The following FARP1 variants were observed in gnomAD, a reference collection of about 807,000 sequenced individuals.
FARP1 encodes FERM, ARH/RhoGEF and pleckstrin domain protein 1.
Under a neutral mutation model 128.8 loss-of-function variants are expected in FARP1, and 52 were observed. The observed-to-expected ratio is 0.40, with a 90% CI of 0.32 to 0.51. The LOEUF (loss-of-function observed/expected upper bound fraction) is 0.51. Among genes scored for constraint, FARP1 ranks in the 20% least tolerant of loss-of-function variants. The pLI, the probability that FARP1 is intolerant of heterozygous loss-of-function variation, is 0.45. For missense variants in FARP1, 1,333 were observed against 1,367.9 expected, an observed-to-expected ratio of 0.97 and a Z score of 0.40; for synonymous variants, 580 against 551.8, an observed-to-expected ratio of 1.05 and a Z score of -0.72.
rs1319354013 is a variant in FARP1, at chr13:98,213,150, C to G, written c.-23-70C>G. 2.3e-6 allele frequency: 3 copies of G among 1,326,416 alleles called. No individual in the cohort carries two copies. In the African/African-American group the frequency reaches 4.4e-5, roughly 20 times the overall value. 82.2% of individuals were successfully genotyped at this position (1,326,416 alleles called of 1,614,324 possible). Reference sequence around the variant, plus strand: ...GCCCCCTGCCCACCTGGGTGGGGTTCAAGGTGGCACACAGCTTGGGTGGTA... The same window carrying G: ...GCCCCCTGCCCACCTGGGTGGGGTTGAAGGTGGCACACAGCTTGGGTGGTA... On this transcript the variant is annotated intron_variant, in intron 1 of 26. Coordinates refer to ENST00000319562, the MANE Select transcript of FARP1 (RefSeq NM_005766.4).
intron 8 of FARP1, 138 bp from the exon 9 acceptor site, chr13:98,388,245 T>C (rs778800184): frequency 6.2e-6 from 4 of 645,992 alleles, no homozygotes; most frequent in Non-Finnish European, 1.1e-5. Flanking sequence ...ACAGATCCTG[T>C]GAGTTCTCTG....
At chr13:98,431,530 C>T (rs761794730) in intron 18 of FARP1, 6 of 313,438 alleles carry the variant, frequency 1.9e-5, no homozygotes, top group Non-Finnish European at 2.9e-5. Flanking sequence ...GGTGCGATCT[C>T]GGCTCACTGC....
At chr13:98,310,657 G>GT (rs1438418101) in intron 2 of FARP1, among the ~76,000 whole-genome samples, 1 of 152,164 alleles carries the variant, frequency 6.6e-6, no homozygotes, top group Non-Finnish European at 1.5e-5. Context: ...GGGCTGTCCA[G>GT]TTGAAGGTGT....
intron 17 of FARP1, among the ~76,000 whole-genome samples, chr13:98,427,094 G>T (rs1481878092): frequency 1.3e-5 from 2 of 151,972 alleles, no homozygotes; most frequent in Non-Finnish European, 2.9e-5. Flanking sequence ...TACATTCTCT[G>T]GGTGTTGACA....
intron 2 of FARP1, among the ~76,000 whole-genome samples, chr13:98,318,274 G>A (rs1483971596): frequency 1.3e-5 from 2 of 151,664 alleles, no homozygotes; most frequent in African/African-American, 4.8e-5. Context: ...GTTCAGGCTG[G>A]TCTCAAACTC....
At chr13:98,235,971 G>A (rs1199334137) in intron 2 of FARP1, among the ~76,000 whole-genome samples, 1 of 151,914 alleles carries the variant, frequency 6.6e-6, no homozygotes, top group African/African-American at 2.4e-5. Context: ...TTACAGGCAT[G>A]TCCCACTACA....
intron 2 of FARP1, among the ~76,000 whole-genome samples, chr13:98,306,756 T>G (rs1886185463): frequency 6.6e-6 from 1 of 152,152 alleles, no homozygotes; most frequent in Non-Finnish European, 1.5e-5. Context: ...ACTCCTGGCC[T>G]CAAGCAATCC....
chr13:98,315,703 G>A (rs1886691007), intron 2 of FARP1, among the ~76,000 whole-genome samples: 1 of 152,146 alleles, frequency 6.6e-6, no homozygotes, highest in Non-Finnish European at 1.5e-5. Context: ...GTGGTGTCCT[G>A]GAAAACAAAA....
Position 98,455,171 on chromosome 13 carries a change from A to G in FARP1, c.*6854A>G, listed in dbSNP as rs1016092693. 5 of 152,256 alleles carry G rather than the reference A, an allele frequency of 3.3e-5. No individual in the cohort carries two copies. The highest frequency in any genetic ancestry group is 1.2e-4 in the African/African-American group (5 of 41,472). The allele number at this position is 152,256 out of a possible 1,614,324, so 9.4% of individuals were successfully genotyped here. On this transcript the variant is annotated 3_prime_UTR_variant, in exon 27 of 27. Transcript: ENST00000319562. ...AATAATACTTTGGATCTGGCAGGTT[A>G]AAAAATGTATTGTTGAAACTAATTT... is the stretch of plus-strand genomic sequence containing the variant.
chr13:98,331,107 A>G (rs1423123927), intron 2 of FARP1, among the ~76,000 whole-genome samples: 2 of 152,214 alleles, frequency 1.3e-5, no homozygotes, highest in Non-Finnish European at 2.9e-5. Context: ...CTTATTTCCC[A>G]GAACTGTGGT....
intron 2 of FARP1, among the ~76,000 whole-genome samples, chr13:98,268,383 G>A (rs1398869609): frequency 1.3e-5 from 2 of 152,150 alleles, no homozygotes; most frequent in South Asian, 4.2e-4. Context: ...CCATGGGGTT[G>A]GGTCAGCAGG....
At chr13:98,245,536 C>T (rs1883005592) in intron 2 of FARP1, among the ~76,000 whole-genome samples, 1 of 152,154 alleles carries the variant, frequency 6.6e-6, no homozygotes, top group Admixed American at 6.5e-5. Flanking sequence ...TTTTAAAAAG[C>T]CTCCCCCAGT....
chr13:98,395,397 G>T lies in FARP1; in HGVS notation c.1335G>T (p.Ser445=). ...AGNKQADGAA[S]APTEEEEEVV... is the part of the protein sequence containing the mutation. ...ACAAGCAGGCGGACGGAGCCGCCTC[G>T]GCGCCCACGGAGGAAGAGGAGGAGG... is the stretch of plus-strand genomic sequence containing the variant. Residue 445 remains serine (S), a synonymous_variant, in exon 13 of 27, where the codon TCG becomes TCT. Transcript: ENST00000319562. 2 of 1,611,514 alleles carry T rather than the reference G, an allele frequency of 1.2e-6. No homozygotes were observed. Among genetic ancestry groups the T allele is most frequent in the South Asian group, 1.1e-5 (1 of 91,012 alleles).
At chr13:98,288,401 C>T (rs1007272046) in intron 2 of FARP1, among the ~76,000 whole-genome samples, 7 of 152,162 alleles carry the variant, frequency 4.6e-5, no homozygotes, top group South Asian at 2.1e-4. Flanking sequence ...CCCATGTCTG[C>T]GCTTCATTGG....
chr13:98,439,662 G>A (rs1360746629), intron 21 of FARP1, among the ~76,000 whole-genome samples: 1 of 152,250 alleles, frequency 6.6e-6, no homozygotes, highest in Admixed American at 6.5e-5. Context: ...GCAGGCAGGT[G>A]TAGAGGGCGC....
At chr13:98,417,140 G>A (rs1183396757) in intron 16 of FARP1, among the ~76,000 whole-genome samples, 1 of 152,160 alleles carries the variant, frequency 6.6e-6, no homozygotes, top group Non-Finnish European at 1.5e-5. Context: ...AAGAAGCCAG[G>A]AAGAAAGAAG....
At chr13:98,382,643 G>A (rs539753895) in intron 6 of FARP1, 5 of 152,214 alleles carry the variant, frequency 3.3e-5, no homozygotes, top group African/African-American at 7.2e-5. Context: ...ACACTCATGC[G>A]CTTTCACGGT....
At chr13:98,172,792 C>G (rs1289388276) in intron 1 of FARP1, among the ~76,000 whole-genome samples, 1 of 152,134 alleles carries the variant, frequency 6.6e-6, no homozygotes, top group Non-Finnish European at 1.5e-5. Flanking sequence ...CCTTGAACAT[C>G]TGTGCAAATC....
At chr13:98,352,202 C>T (rs1402377421) in intron 3 of FARP1, among the ~76,000 whole-genome samples, 5 of 152,028 alleles carry the variant, frequency 3.3e-5, no homozygotes, top group Non-Finnish European at 7.3e-5. Context: ...GAACATCAGC[C>T]AGCCCCAAGG....
Sources: gnomAD v4.1 joint callset for allele counts (sites outside exome capture counted in the v4.1 genomes callset) on GRCh38, gnomAD v4.1.1 for gene constraint, MANE v1.5 for transcripts, NCBI Gene and HGNC (gene_info 2026-07-23, HGNC 2026-07-21) for gene names.